Variants in LTN1 observed in about 807,000 individuals in gnomAD.
The protein encoded by LTN1 is E3 ubiquitin-protein ligase listerin.
A neutral mutation model predicts 201.2 loss-of-function variants in LTN1; 88 were observed. The observed-to-expected ratio is 0.44, with a 90% confidence interval of 0.37 to 0.52. The LOEUF is 0.52. Among genes scored for constraint, LTN1 ranks in the 20% least tolerant of loss-of-function variants. LTN1 has a pLI of 0.00. For synonymous variants in LTN1, 645 were observed against 713.5 expected (o/e 0.90, Z 1.53); for missense variants, 1,752 against 2,038.7 (o/e 0.86, Z 2.71).
chr21:28,960,530 T>G lies in LTN1; in HGVS notation c.2340A>C (p.Gln780His), dbSNP rs1473856521. ...TATTTGTCCTACCATTTTTAACATGTTGGGATAATACCAAGCTTAGAAGAG... is the reference window on the plus strand; with the variant it reads ...TATTTGTCCTACCATTTTTAACATGGTGGGATAATACCAAGCTTAGAAGAG... ...RWTLLSLVLS[Q>H]HVKNDYLIGD... Residue 780 changes from glutamine to histidine, a missense_variant, in exon 12 of 30, where the codon CAA becomes CAC. By Grantham distance (24) the Gln-to-His change is conservative. This residue lies in a region of LTN1 where 1,211 missense variants were observed against 1,312.8 expected (regional missense o/e 0.92). Coordinates refer to ENST00000361371, the MANE Select transcript of LTN1 (RefSeq NM_015565.3). The G allele has an allele frequency of 3.7e-6, 6 of 1,612,026 alleles. No individual in the cohort carries two copies. The South Asian group carries it at 5.5e-5, about 15-fold the overall frequency.
rs568991542 is a variant in LTN1 at position 28,962,865 on chromosome 21, G to C, written c.2164-2159C>G. ...TGTGAGCCCAAGAGTAACAGAAAGT[G>C]ACATAGACTTACTGCTGATATGGAC... On this transcript the variant is annotated intron_variant, in intron 11 of 29. Transcript: ENST00000361371. Among the ~76,000 whole-genome samples the C allele has an allele frequency of 3.3e-5, 5 of 152,312 alleles. No homozygotes were observed. The South Asian group carries it at 1.0e-3, about 32-fold the overall frequency.
In LTN1 at chr21:28,932,545, A is replaced by G; in HGVS notation, c.4995T>C (p.Ser1665=). The change falls in exon 28 of 30, where the codon AGT becomes AGC. Residue 1665 remains serine, a synonymous_variant. Coordinates refer to ENST00000361371, the MANE Select transcript of LTN1 (RefSeq NM_015565.3). The stretch of plus-strand genomic sequence containing the variant: ...GAACAGCTACTCCTACTCTTTTCCC[A>G]CTTTCTACTATTATTGAACCCAGTG... ...NYPLGSIIVE[S]GKRVGVAVQQ... 1.9e-6 allele frequency: 3 copies of G among 1,613,968 alleles called. No homozygotes were observed.
intron 9 of LTN1, among the ~76,000 whole-genome samples, chr21:28,968,991 C>A (rs1398888670): frequency 6.6e-6 from 1 of 151,570 alleles, no homozygotes; most frequent in African/African-American, 2.4e-5. Context: ...GAAGCCGAGG[C>A]GGGTAGATCA....
chr21:28,970,875 C>T (rs913667353), intron 7 of LTN1, 133 bp from the exon 8 acceptor site: 10 of 554,400 alleles, frequency 1.8e-5, no homozygotes, highest in Non-Finnish European at 3.0e-5. Context: ...TCTTTCACCA[C>T]CATTAAAAAC....
At chr21:28,970,786 A>T in intron 7 of LTN1, 44 bp from the exon 8 acceptor site, 1 of 1,431,028 alleles carries the variant, frequency 7.0e-7, no homozygotes, top group Non-Finnish European at 9.6e-7. Context: ...GATCATAAAC[A>T]TACTTTTCTC....
In LTN1 at chr21:28,929,847, G is replaced by T. The variant is rs1366590133; in HGVS notation, c.*601C>A. ...CTGAGTTTCATAACCCTTGATAAAT[G>T]GAGGCACCTTAAAGTTCAGTTTAAA... On this transcript the variant is annotated 3_prime_UTR_variant, in exon 30 of 30. Coordinates refer to ENST00000361371, the MANE Select transcript of LTN1 (RefSeq NM_015565.3). The T allele has an allele frequency of 6.6e-6, 1 of 152,048 alleles. No individual in the cohort carries two copies. Among genetic ancestry groups the T allele is most frequent in the South Asian group, 2.1e-4 (1 of 4,828 alleles). The allele number at this position is 152,048 out of a possible 1,614,324, so 9.4% of individuals were successfully genotyped here.
intron 6 of LTN1, among the ~76,000 whole-genome samples, chr21:28,978,850 C>T (rs761215374): frequency 2.0e-5 from 3 of 152,100 alleles, no homozygotes; most frequent in African/African-American, 4.8e-5. Flanking sequence ...AAAACAAAAA[C>T]GCTAAAAATT....
intron 27 of LTN1, among the ~76,000 whole-genome samples, chr21:28,933,754 A>G (rs76284482): frequency 0.19 from 27,475 of 145,598 alleles, 2,609 homozygotes; most frequent in South Asian, 0.24. Flanking sequence ...TCGGCTCACC[A>G]CAACCTCCGC....
chr21:28,972,849 CCA>C (rs2084586008), intron 6 of LTN1, among the ~76,000 whole-genome samples: 1 of 152,072 alleles, frequency 6.6e-6, no homozygotes, highest in Non-Finnish European at 1.5e-5. Flanking sequence ...TAAAGGAAAT[CCA>C]CACAAAGACA....
chr21:28,943,280 T>C lies in LTN1; in HGVS notation c.4277A>G (p.Glu1426Gly). 1.9e-6 allele frequency: 3 copies of C among 1,601,436 alleles called. No individual in the cohort carries two copies. Among genetic ancestry groups the C allele is most frequent in the Non-Finnish European group, 2.6e-6 (3 of 1,171,272 alleles). Residue 1426 changes from glutamate (E) to glycine (G), a missense_variant, in exon 24 of 30, where the codon GAA becomes GGA. Physicochemically the swap from Glu to Gly is moderately conservative, Grantham distance 98. Coordinates refer to ENST00000361371, the MANE Select transcript of LTN1 (RefSeq NM_015565.3). The stretch of plus-strand genomic sequence containing the variant: ...ACCTTACAAGGCTGGCTCTTCTTCT[T>C]CATCTCCGTATGACTTTAGATTATC... ...DQDNLKSYGD[E>G]EEEPALSPPA...
intron 19 of LTN1, among the ~76,000 whole-genome samples, chr21:28,946,565 T>C (rs1271646383): frequency 6.6e-6 from 1 of 152,190 alleles, no homozygotes; most frequent in African/African-American, 2.4e-5. Flanking sequence ...TGTTTTTGTT[T>C]TGGTTTCTTA....
At chr21:28,983,195 A>C (rs149457445) in intron 4 of LTN1, among the ~76,000 whole-genome samples, 2 of 152,366 alleles carry the variant, frequency 1.3e-5, no homozygotes, top group East Asian at 3.9e-4. Flanking sequence ...AATGAACTGT[A>C]ACATAGCCAA....
chr21:28,931,941 T>G (rs2084214040), intron 28 of LTN1, among the ~76,000 whole-genome samples: 1 of 152,108 alleles, frequency 6.6e-6, no homozygotes, highest in Non-Finnish European at 1.5e-5. Context: ...AGGCAGAGGT[T>G]GCAGTGAGCT....
intron 1 of LTN1, among the ~76,000 whole-genome samples, chr21:28,987,409 T>C (rs1419450836): frequency 6.6e-6 from 1 of 152,192 alleles, no homozygotes; most frequent in Non-Finnish European, 1.5e-5. Context: ...CATTCACCCA[T>C]TAAATGAACA....
chr21:28,982,216 C>CA (rs373867790), intron 5 of LTN1, 100 bp downstream of exon 5: 34,740 of 847,370 alleles, frequency 0.041, no homozygotes, highest in Non-Finnish European at 0.044. Context: ...GACTCTGTCT[C>CA]AAAAAAAAAA....
chr21:28,988,643 C>G (rs1223291305), intron 1 of LTN1, among the ~76,000 whole-genome samples: 1 of 151,642 alleles, frequency 6.6e-6, no homozygotes, highest in East Asian at 1.9e-4. Context: ...AAAAGGTTCT[C>G]TATTTTTTTT....
intron 4 of LTN1, 84 bp downstream of exon 4, chr21:28,984,608 C>T: frequency 1.1e-6 from 1 of 948,538 alleles, no homozygotes; most frequent in South Asian, 1.6e-5. Context: ...CCCCTACAAT[C>T]CCAAGTAAAA....
At chr21:28,937,848 C>G (rs192898609) in intron 25 of LTN1, among the ~76,000 whole-genome samples, 1 of 152,138 alleles carries the variant, frequency 6.6e-6, no homozygotes, top group Non-Finnish European at 1.5e-5. Context: ...TGGTCCCAGG[C>G]ATTTTGGATA....
At chr21:28,948,344 A>C (rs1008876156) in intron 18 of LTN1, among the ~76,000 whole-genome samples, 1 of 135,600 alleles carries the variant, frequency 7.4e-6, no homozygotes, top group Non-Finnish European at 1.5e-5. Context: ...ATCTCAGCTC[A>C]TTGCAACCTC....
Sources: gnomAD v4.1 joint callset for allele counts (sites outside exome capture counted in the v4.1 genomes callset) on GRCh38, gnomAD v4.1.1 for gene constraint, gnomAD v4.1.1 regional missense constraint, MANE v1.5 for transcripts, NCBI Gene and HGNC (gene_info 2026-07-23, HGNC 2026-07-21) for gene names.